RAP1A: variants seen among roughly 807,000 people sequenced by gnomAD.
RAP1A encodes RAP1A, member of RAS oncogene family.
In RAP1A, 6 loss-of-function variants were observed where a neutral mutation model predicts 26.4. The ratio of observed to expected loss-of-function variants is 0.23; its 90% CI spans 0.12 to 0.45. The LOEUF is 0.45. Ranked by LOEUF, RAP1A falls within the 20% of genes least tolerant of loss-of-function variation. The probability of loss-of-function intolerance (pLI) is 0.99; values close to 1 mark genes in which losing one functional copy is unlikely to be tolerated. For synonymous variants in RAP1A, 73 were observed against 79.4 expected (o/e 0.92, Z 0.43); for missense variants, 121 against 217.2 (o/e 0.56, Z 2.78).
chr1:111,542,208 T>G, upstream of RAP1A: 1 of 563,604 alleles, frequency 1.8e-6, no homozygotes, highest in Non-Finnish European at 3.4e-6. Context: ...ACCAGCTTAA[T>G]GAAACAGACA....
intron 1 of RAP1A, among the ~76,000 whole-genome samples, chr1:111,605,733 G>A (rs979439266): frequency 2.0e-5 from 3 of 152,194 alleles, no homozygotes; most frequent in Non-Finnish European, 2.9e-5. Flanking sequence ...GGATTGGGCT[G>A]TGCCTTGCTG....
intron 1 of RAP1A, among the ~76,000 whole-genome samples, chr1:111,560,418 G>T (rs1360018744): frequency 4.3e-5 from 6 of 140,006 alleles, no homozygotes; most frequent in Admixed American, 1.4e-4. Context: ...CTGGGTAAAT[G>T]AATAGACTTT....
intron 1 of RAP1A, among the ~76,000 whole-genome samples, chr1:111,591,413 T>C (rs1658469006): frequency 6.6e-6 from 1 of 152,224 alleles, no homozygotes; most frequent in South Asian, 2.1e-4. Context: ...GAGATGGACA[T>C]GTGACTCATT....
At chr1:111,677,741 T>A (rs1232642975) in intron 1 of RAP1A, among the ~76,000 whole-genome samples, 1 of 152,202 alleles carries the variant, frequency 6.6e-6, no homozygotes, top group African/African-American at 2.4e-5. Flanking sequence ...GCGGTGCCTT[T>A]TAGGATCTAG....
At chr1:111,618,723 A>G (rs1434872490), upstream of RAP1A, among the ~76,000 whole-genome samples, 1 of 152,206 alleles carries the variant, frequency 6.6e-6, no homozygotes, top group East Asian at 1.9e-4. Flanking sequence ...CCATTAACTC[A>G]GTCATCAGGC....
chr1:111,596,822 C>G (rs542614150), intron 1 of RAP1A, among the ~76,000 whole-genome samples: 1 of 152,322 alleles, frequency 6.6e-6, no homozygotes, highest in Admixed American at 6.5e-5. Flanking sequence ...CTTAAGGGCT[C>G]TACCCTTATA....
intron 1 of RAP1A, among the ~76,000 whole-genome samples, chr1:111,667,923 A>G (rs1301874250): frequency 6.6e-6 from 1 of 152,156 alleles, no homozygotes; most frequent in Admixed American, 6.5e-5. Context: ...TTATGGTTTC[A>G]TTGCCTTCGC....
At chr1:111,594,660 T>C (rs1374162256) in intron 1 of RAP1A, among the ~76,000 whole-genome samples, 3 of 152,120 alleles carry the variant, frequency 2.0e-5, no homozygotes, top group Non-Finnish European at 4.4e-5. Flanking sequence ...AAAGACTTGA[T>C]AAAGGTGAAC....
intron 1 of RAP1A, among the ~76,000 whole-genome samples, chr1:111,662,751 A>G (rs1199341438): frequency 2.0e-5 from 3 of 152,216 alleles, no homozygotes; most frequent in African/African-American, 7.2e-5. Flanking sequence ...GTTATTAAAT[A>G]TGTTGTTTAC....
intron 1 of RAP1A, among the ~76,000 whole-genome samples, chr1:111,589,401 AAGATTC>A (rs1658431552): frequency 6.6e-6 from 1 of 152,214 alleles, no homozygotes; most frequent in South Asian, 2.1e-4. Flanking sequence ...GCAACATAGC[AAGATTC>A]TGACTCTATA....
rs531532029 is a variant in RAP1A, at chr1:111,704,815, C to T, written c.468+329C>T. Among the ~76,000 whole-genome samples, 9 of 152,196 alleles carry T rather than the reference C, an allele frequency of 5.9e-5. No individual in the cohort carries two copies. In the East Asian group the frequency reaches 1.7e-3, roughly 29 times the overall value. ...CACCTTATATTGTAATAATTATTTA[C>T]CCAAATGTATATAAATAGGTTGTAA... On this transcript the variant is annotated intron_variant, in intron 6 of 7. Transcript: ENST00000369709.
At position 111,713,371 on chromosome 1, in the gene RAP1A, T is replaced by G. The variant is rs1662443230; in HGVS notation, c.*970T>G. ...GTATATTCTCTCTTGATCTTAAAGATTGTATCTTATTGAATATCCCACTGT... is the reference window on the plus strand; with the variant it reads ...GTATATTCTCTCTTGATCTTAAAGAGTGTATCTTATTGAATATCCCACTGT... On this transcript the variant is annotated 3_prime_UTR_variant, in exon 8 of 8. Coordinates refer to ENST00000369709, the MANE Select transcript of RAP1A (RefSeq NM_002884.4). 6.6e-6 allele frequency: 1 copy of G among 152,206 alleles called. No homozygotes were observed. The highest frequency in any genetic ancestry group is 1.5e-5 in the Non-Finnish European group (1 of 68,016). 9.4% of individuals were successfully genotyped at this position (152,206 alleles called of 1,614,324 possible).
At chr1:111,652,178 T>C (rs1660295021) in intron 1 of RAP1A, among the ~76,000 whole-genome samples, 1 of 152,092 alleles carries the variant, frequency 6.6e-6, no homozygotes, top group Non-Finnish European at 1.5e-5. Flanking sequence ...TTCGCCATAT[T>C]GGCCAGTCTC....
At chr1:111,618,935 G>A (rs1384669361), upstream of RAP1A, among the ~76,000 whole-genome samples, 1 of 152,188 alleles carries the variant, frequency 6.6e-6, no homozygotes, top group African/African-American at 2.4e-5. Context: ...TCTCCATTGT[G>A]TATTTTACAC....
chr1:111,708,316 T>G (rs1307489239), intron 6 of RAP1A, among the ~76,000 whole-genome samples: 1 of 152,248 alleles, frequency 6.6e-6, no homozygotes, highest in East Asian at 1.9e-4. Flanking sequence ...ATGTGATACC[T>G]TGAAAGGGAG....
At chr1:111,550,197 G>A (rs760768607) in intron 1 of RAP1A, among the ~76,000 whole-genome samples, 14 of 151,936 alleles carry the variant, frequency 9.2e-5, no homozygotes, top group Middle Eastern at 3.4e-3. Flanking sequence ...CCTGATTTTC[G>A]TAATTTCAGT....
rs549116749 is a variant in RAP1A, at chr1:111,665,798, T to C, written c.-27-25536T>C. Among the ~76,000 whole-genome samples the C allele has an allele frequency of 5.9e-5, 9 of 152,322 alleles. No individual in the cohort carries two copies. The South Asian group carries it at 1.9e-3, about 32-fold the overall frequency. The stretch of plus-strand genomic sequence containing the variant: ...GATACTGTGATATTCCCCCCTTTCT[T>C]CTGGTAATTAGAAGCATTCCCAGTA... On this transcript the variant is annotated intron_variant, in intron 1 of 7. Transcript: ENST00000369709.
At chr1:111,627,197 A>G (rs1317873221) in intron 1 of RAP1A, among the ~76,000 whole-genome samples, 2 of 152,196 alleles carry the variant, frequency 1.3e-5, no homozygotes, top group Non-Finnish European at 1.5e-5. Context: ...CCTATCATCC[A>G]GAAAAAATTA....
chr1:111,572,931 A>T (rs1289570526), intron 1 of RAP1A, among the ~76,000 whole-genome samples: 2 of 152,050 alleles, frequency 1.3e-5, no homozygotes. Flanking sequence ...TCCAGTGTCT[A>T]TCGTTCCCCT....
Sources: allele counts gnomAD v4.1 joint callset (sites outside exome capture counted in the v4.1 genomes callset), GRCh38; gene constraint gnomAD v4.1.1; transcripts MANE v1.5; gene names NCBI Gene and HGNC (gene_info 2026-07-23, HGNC 2026-07-21).